Variants in PI4K2A observed in about 807,000 individuals in gnomAD.
PI4K2A encodes phosphatidylinositol 4-kinase type 2-alpha.
PI4K2A carries 20 observed loss-of-function variants against 55.0 expected under a neutral mutation model. The observed-to-expected ratio is 0.36, with a 90% CI of 0.26 to 0.53. The LOEUF (loss-of-function observed/expected upper bound fraction) is 0.53. Ranked by LOEUF, PI4K2A falls within the 20% of genes least tolerant of loss-of-function variation. The pLI, the probability that PI4K2A is intolerant of heterozygous loss-of-function variation, is 0.91. For missense variants in PI4K2A, 463 were observed against 637.1 expected, an observed-to-expected ratio of 0.73 and a Z score of 2.94; for synonymous variants, 235 against 258.5, an observed-to-expected ratio of 0.91 and a Z score of 0.87.
At chr10:97,659,941 T>C (rs1483000703) in intron 4 of PI4K2A, among the ~76,000 whole-genome samples, 2 of 152,024 alleles carry the variant, frequency 1.3e-5, no homozygotes, top group Non-Finnish European at 2.9e-5. Flanking sequence ...TCCTCTCTCT[T>C]AGAGTATTGA....
At chr10:97,646,536 CT>C (rs1330611063) in intron 1 of PI4K2A, among the ~76,000 whole-genome samples, 2 of 152,120 alleles carry the variant, frequency 1.3e-5, no homozygotes, top group East Asian at 3.9e-4. Context: ...AGAGTTTAAA[CT>C]TTTTGAGACC....
exon 8 of PI4K2A, chr10:97,667,105 T>C: frequency 6.2e-7 from 1 of 1,613,386 alleles, no homozygotes; most frequent in Non-Finnish European, 8.5e-7. Flanking sequence ...AGCAGATTGC[T>C]GTCATGCGGG....
intron 4 of PI4K2A, among the ~76,000 whole-genome samples, chr10:97,658,925 G>A (rs1207521629): frequency 6.6e-6 from 1 of 151,924 alleles, no homozygotes; most frequent in African/African-American, 2.4e-5. Context: ...ATTTTTTTTG[G>A]TCATTATTGT....
intron 2 of PI4K2A, among the ~76,000 whole-genome samples, chr10:97,654,852 A>G (rs936816755): frequency 1.3e-5 from 2 of 152,142 alleles, no homozygotes; most frequent in Non-Finnish European, 2.9e-5. Flanking sequence ...TTTTTTTAGA[A>G]TAAGTAATGC....
rs1237706985 is a variant in PI4K2A, at chr10:97,671,701, A to G, written c.1279-1880A>G. ...TTTGCTTAGACTGGAGTGCAATGGC[A>G]CAATCTCACCTCACTGAAACCTCCG... On this transcript the variant is annotated intron_variant, in intron 8 of 8. Transcript: ENST00000370631. Among the ~76,000 whole-genome samples the G allele has an allele frequency of 2.0e-5, 3 of 152,064 alleles. No homozygotes were observed. The South Asian group carries it at 6.2e-4, about 31-fold the overall frequency.
At chr10:97,667,852 C>T (rs769754017) in intron 8 of PI4K2A, among the ~76,000 whole-genome samples, 2 of 152,192 alleles carry the variant, frequency 1.3e-5, no homozygotes, top group African/African-American at 4.8e-5. Flanking sequence ...ATACGTTGCA[C>T]AGTTGGCTGG....
In PI4K2A at chr10:97,653,368, T is replaced by C. The variant is rs185884939; in HGVS notation, c.636+2227T>C. ...AGTTTCCTTACTGTAAAAATAGGGATATAAATAGTTCCTACTTTGTAGAGT... is the reference window on the plus strand; with the variant it reads ...AGTTTCCTTACTGTAAAAATAGGGACATAAATAGTTCCTACTTTGTAGAGT... On this transcript the variant is annotated intron_variant, in intron 2 of 8. Coordinates refer to ENST00000370631, the Ensembl canonical transcript of PI4K2A. 1.6e-4 allele frequency among the ~76,000 whole-genome samples: 25 copies of C among 152,322 alleles called. No homozygotes were observed. In the East Asian group the frequency reaches 4.4e-3, roughly 27 times the overall value.
In PI4K2A at chr10:97,656,420, T is replaced by C. The variant is rs543012672; in HGVS notation, c.768+4T>C. On this transcript the variant is annotated splice_donor_region_variant and intron_variant, in intron 3 of 8. Coordinates refer to ENST00000370631, the Ensembl canonical transcript of PI4K2A. The surrounding 1 kb of genome is among the most constrained non-coding windows in gnomAD (Gnocchi z 4.5). ...CCGCATCGGGCTACCACCAAAGGTA[T>C]AGACGCACCTCTGGCTTATCAAGGG... The C allele has an allele frequency of 1.2e-6, 2 of 1,613,634 alleles. No homozygotes were observed. The highest frequency in any genetic ancestry group is 2.2e-5 in the East Asian group (1 of 44,882).
chr10:97,666,713 C>T (rs1033463027), intron 7 of PI4K2A, 142 bp downstream of exon 7: 9 of 716,298 alleles, frequency 1.3e-5, no homozygotes, highest in African/African-American at 1.1e-4. Flanking sequence ...AAGATTTCCA[C>T]ATGTGGACAG....
intron 2 of PI4K2A, among the ~76,000 whole-genome samples, chr10:97,653,428 G>A (rs2041538531): frequency 6.6e-6 from 1 of 152,192 alleles, no homozygotes; most frequent in Non-Finnish European, 1.5e-5. Context: ...CCTATATGAA[G>A]CACATAGCTG....
rs1007130258 is a variant in PI4K2A, at chr10:97,656,072, G to A, written c.637-213G>A. Among the ~76,000 whole-genome samples the A allele has an allele frequency of 2.6e-5, 4 of 152,194 alleles. No individual in the cohort carries two copies. The highest frequency in any genetic ancestry group is 5.9e-5 in the Non-Finnish European group (4 of 68,028). Reference sequence around the variant, plus strand: ...TGGGAGATTTTAGTTGCCAGCAGTGGAAGTGTTGTACATACATAATTTTGT... The same window carrying A: ...TGGGAGATTTTAGTTGCCAGCAGTGAAAGTGTTGTACATACATAATTTTGT... On this transcript the variant is annotated intron_variant, in intron 2 of 8. Coordinates refer to ENST00000370631, the Ensembl canonical transcript of PI4K2A. The surrounding 1 kb of genome is among the most constrained non-coding windows in gnomAD (Gnocchi z 4.5).
intron 8 of PI4K2A, among the ~76,000 whole-genome samples, chr10:97,668,994 TAG>T (rs1253749557): frequency 4.5e-4 from 68 of 152,240 alleles, no homozygotes; most frequent in Admixed American, 1.6e-3. Context: ...GCCTCCCAAG[TAG>T]CTGGGATTAC....
intron 8 of PI4K2A, among the ~76,000 whole-genome samples, chr10:97,669,081 G>C (rs1198580909): frequency 6.6e-6 from 1 of 152,142 alleles, no homozygotes; most frequent in Non-Finnish European, 1.5e-5. Flanking sequence ...GGCCAGGGTG[G>C]TCTCAAACTC....
intron 2 of PI4K2A, among the ~76,000 whole-genome samples, chr10:97,655,205 A>C (rs985610471): frequency 6.6e-6 from 1 of 151,810 alleles, no homozygotes; most frequent in Non-Finnish European, 1.5e-5. Context: ...CCCTCTCTCT[A>C]CTAAAAATAC....
rs561861919 is a variant in PI4K2A, at chr10:97,640,724, G to C, written c.-19G>C. On this transcript the variant is annotated 5_prime_UTR_variant, in exon 1 of 9. Transcript: ENST00000370631. ...AGTGGTGTGGAGCGCGCCGGGTCCC[G>C]GAGCCGGCTGTCTGAGGGATGGACG... The C allele has an allele frequency of 1.6e-5, 23 of 1,465,058 alleles. No individual in the cohort carries two copies. The East Asian group carries it at 6.3e-4, about 40-fold the overall frequency. The allele number at this position is 1,465,058 out of a possible 1,614,324, so 90.8% of individuals were successfully genotyped here. A position where few individuals can be genotyped will look rare whatever the true frequency, so the allele number is the denominator to read the frequency against.
At chr10:97,649,675 G>T (rs923762066) in intron 1 of PI4K2A, among the ~76,000 whole-genome samples, 1 of 138,798 alleles carries the variant, frequency 7.2e-6, no homozygotes, top group Non-Finnish European at 1.5e-5. Context: ...CCAGGCTGGA[G>T]TGCAGTGGCG....
chr10:97,642,623 T>C (rs953639046), intron 1 of PI4K2A, among the ~76,000 whole-genome samples: 2 of 151,844 alleles, frequency 1.3e-5, no homozygotes, highest in Non-Finnish European at 2.9e-5. Flanking sequence ...TCTCTTGACC[T>C]TGTGATCTGC....
At chr10:97,649,295 A>AT (rs1489920213) in intron 1 of PI4K2A, among the ~76,000 whole-genome samples, 1 of 152,204 alleles carries the variant, frequency 6.6e-6, no homozygotes, top group African/African-American at 2.4e-5. Flanking sequence ...AATTAGATGA[A>AT]TGTAAAACAA....
intron 6 of PI4K2A, among the ~76,000 whole-genome samples, chr10:97,665,934 A>G (rs981626350): frequency 1.3e-5 from 2 of 151,808 alleles, no homozygotes; most frequent in African/African-American, 4.8e-5. Context: ...TTTAGTGTAT[A>G]TTTCCTGAAA....
Sources: allele counts gnomAD v4.1 joint callset (sites outside exome capture counted in the v4.1 genomes callset), GRCh38; gene constraint gnomAD v4.1.1; non-coding constraint Gnocchi (gnomAD v3.1); transcripts MANE v1.5; gene names NCBI Gene and HGNC (gene_info 2026-07-23, HGNC 2026-07-21).